The following CPM variants were observed in gnomAD, a reference collection of about 807,000 sequenced individuals.
CPM encodes the protein renal carboxypeptidase.
In CPM, 35 loss-of-function variants were observed where a neutral mutation model predicts 46.4. The ratio of observed to expected loss-of-function variants is 0.75; its 90% CI spans 0.58 to 1.00. The LOEUF is 1.00. CPM is among the 50% of genes least tolerant of loss of function. The pLI is 0.00. For missense variants in CPM, 422 were observed against 530.4 expected, an observed-to-expected ratio of 0.80 and a Z score of 2.01; for synonymous variants, 195 against 195.3, an observed-to-expected ratio of 1.00 and a Z score of 0.01.
At chr12:68,880,027 C>T (rs1886119833) in intron 3 of CPM, among the ~76,000 whole-genome samples, 1 of 151,940 alleles carries the variant, frequency 6.6e-6, no homozygotes, top group South Asian at 2.1e-4. Context: ...ATCCTGTTCC[C>T]AGGCAATCTG....
chr12:68,863,514 T>C (rs568599443), intron 7 of CPM, among the ~76,000 whole-genome samples: 3 of 152,290 alleles, frequency 2.0e-5, no homozygotes, highest in East Asian at 3.9e-4. Flanking sequence ...CGAGTTTCAG[T>C]TGAGGTCTGC....
intron 2 of CPM, chr12:68,914,039 C>G: frequency 1.4e-6 from 1 of 701,050 alleles, no homozygotes; most frequent in Non-Finnish European, 2.7e-6. Context: ...CCTCACTATT[C>G]CATTCCTCAG....
intron 5 of CPM, among the ~76,000 whole-genome samples, chr12:68,869,987 T>C (rs1885620518): frequency 6.6e-6 from 1 of 152,228 alleles, no homozygotes; most frequent in South Asian, 2.1e-4. Flanking sequence ...AATCTAAATT[T>C]CACTAATTCA....
intron 2 of CPM, among the ~76,000 whole-genome samples, chr12:68,902,798 T>C (rs1411890467): frequency 6.6e-6 from 1 of 152,232 alleles, no homozygotes; most frequent in Non-Finnish European, 1.5e-5. Flanking sequence ...CTAAGGTTAA[T>C]GTTCCTCCAA....
At chr12:68,955,504 T>G (rs1203941640) in intron 1 of CPM, among the ~76,000 whole-genome samples, 1 of 149,192 alleles carries the variant, frequency 6.7e-6, no homozygotes. Flanking sequence ...TGTGTGGGGG[T>G]GGGGGGGGCA....
At chr12:68,899,334 G>A (rs908607901) in intron 2 of CPM, among the ~76,000 whole-genome samples, 5 of 152,266 alleles carry the variant, frequency 3.3e-5, no homozygotes, top group African/African-American at 1.2e-4. Context: ...AGAGGACAGT[G>A]CTGAACTGGG....
chr12:68,864,263 G>A (rs1023612191), intron 7 of CPM, among the ~76,000 whole-genome samples: 1 of 152,138 alleles, frequency 6.6e-6, no homozygotes, highest in Non-Finnish European at 1.5e-5. Flanking sequence ...TGGGCAATAT[G>A]GTGAAACCCT....
At chr12:68,889,454 CA>C (rs1886565036) in intron 2 of CPM, among the ~76,000 whole-genome samples, 1 of 152,050 alleles carries the variant, frequency 6.6e-6, no homozygotes, top group South Asian at 2.1e-4. Flanking sequence ...AAAAAGAATG[CA>C]AAATTATATA....
intron 1 of CPM, among the ~76,000 whole-genome samples, chr12:68,941,692 C>T (rs1888764453): frequency 1.3e-5 from 2 of 152,156 alleles, no homozygotes; most frequent in Non-Finnish European, 2.9e-5. Flanking sequence ...ACTAATGCTG[C>T]TCAATGATTC....
chr12:68,859,048 G>A lies in CPM; in HGVS notation c.964C>T (p.Gln322Ter). 2 of 1,526,266 alleles carry A rather than the reference G, an allele frequency of 1.3e-6. No homozygotes were observed. Among genetic ancestry groups the A allele is most frequent in the African/African-American group, 1.4e-5 (1 of 71,638 alleles). The allele number at this position is 1,526,266 out of a possible 1,614,324, so 94.5% of individuals were successfully genotyped here. A position where few individuals can be genotyped will look rare whatever the true frequency, so the allele number is the denominator to read the frequency against. ...ACATTGGGTAATGGATTTCCATTCT[G>A]ATCAAAAACTTGACCCTTTACACCT... The part of the protein sequence containing the change: ...HLGVKGQVFD[Q>*]NGNPLPNVIV... Residue 322 changes from glutamine to a stop codon, truncating the protein, a stop_gained, in exon 8 of 9, where the codon CAG (glutamine) becomes TAG (stop). Transcript: ENST00000551568. LOFTEE classifies it high-confidence loss of function.
upstream of CPM, among the ~76,000 whole-genome samples, chr12:68,933,813 A>G (rs1592709768): frequency 6.6e-6 from 1 of 152,362 alleles, no homozygotes; most frequent in Non-Finnish European, 1.5e-5. Flanking sequence ...ACAAGTTTAC[A>G]TAGTGGGTGG....
Position 68,855,745 on chromosome 12 carries a change from T to TG in CPM, c.*691_*692insC, listed in dbSNP as rs1432914755. 6.7e-6 allele frequency: 1 copy of TG among 148,812 alleles called. No homozygotes were observed. The highest frequency in any genetic ancestry group is 2.5e-5 in the African/African-American group (1 of 40,150). 9.2% of individuals were successfully genotyped at this position (148,812 alleles called of 1,614,324 possible). On this transcript the variant is annotated 3_prime_UTR_variant, in exon 9 of 9. Coordinates refer to ENST00000551568, the MANE Select transcript of CPM (RefSeq NM_198320.5). ...GTTTTTTTTGTTTGTTTGTTTTTGT[T>TG]TTTTTTTTTTTGAGACAGAGTCTTA...
At chr12:68,924,149 T>TAA (rs77792212) in intron 2 of CPM, among the ~76,000 whole-genome samples, 1,332 of 107,580 alleles carry the variant, frequency 0.012, 19 homozygotes, top group African/African-American at 0.028. Flanking sequence ...TGTCTCTACT[T>TAA]AAAAAAAAAA....
chr12:68,924,429 G>A (rs1408477772), intron 2 of CPM, among the ~76,000 whole-genome samples: 8 of 149,804 alleles, frequency 5.3e-5, no homozygotes, highest in African/African-American at 7.4e-5. Context: ...GGAGTGAGCC[G>A]ACATTGTGAC....
intron 1 of CPM, chr12:68,957,417 A>G: frequency 3.7e-6 from 1 of 269,980 alleles, no homozygotes; most frequent in South Asian, 5.0e-5. Context: ...CATCTCCATG[A>G]TTCAAATTCC....
intron 3 of CPM, among the ~76,000 whole-genome samples, chr12:68,872,309 T>C (rs11830962): frequency 1.3e-3 from 187 of 144,200 alleles, no homozygotes; most frequent in African/African-American, 4.4e-3. Flanking sequence ...CTGGAGTGCA[T>C]TGGCGCGATC....
intron 2 of CPM, among the ~76,000 whole-genome samples, chr12:68,921,595 T>A (rs945879970): frequency 4.6e-5 from 7 of 152,182 alleles, no homozygotes; most frequent in African/African-American, 4.8e-5. Flanking sequence ...ATAATTCAAC[T>A]GTGTCCTTTA....
At chr12:68,848,532 T>C (rs1884484278), downstream of CPM, 1 of 152,136 alleles carries the variant, frequency 6.6e-6, no homozygotes, top group African/African-American at 2.4e-5. Flanking sequence ...AAAAGAAGCA[T>C]TCTAAGAAAA....
intron 2 of CPM, among the ~76,000 whole-genome samples, chr12:68,915,855 C>CAGATGAAG (rs1426653096): frequency 2.0e-5 from 3 of 152,312 alleles, no homozygotes; most frequent in East Asian, 3.9e-4. Context: ...TCAATTTCTT[C>CAGATGAAG]ATCTGTAAAA....
Sources: gnomAD v4.1 joint callset for allele counts (sites outside exome capture counted in the v4.1 genomes callset) on GRCh38, gnomAD v4.1.1 for gene constraint, MANE v1.5 for transcripts, NCBI Gene and HGNC (gene_info 2026-07-23, HGNC 2026-07-21) for gene names.